RABGEF1: variants seen among roughly 807,000 people sequenced by gnomAD.
The protein encoded by RABGEF1 is rab5 GDP/GTP exchange factor.
RABGEF1 carries 26 observed loss-of-function variants against 57.3 expected under a neutral mutation model. That is an observed-to-expected ratio of 0.45 (90% confidence interval 0.33 to 0.63). The LOEUF is 0.63. Among genes scored for constraint, RABGEF1 ranks in the 20% least tolerant of loss-of-function variants. RABGEF1 has a pLI of 0.02. For synonymous variants in RABGEF1, 185 were observed against 210.7 expected, an observed-to-expected ratio of 0.88 and a Z score of 1.06; for missense variants, 464 against 607.6, an observed-to-expected ratio of 0.76 and a Z score of 2.48.
intron 1 of RABGEF1, among the ~76,000 whole-genome samples, chr7:66,711,457 T>G (rs1301346040): frequency 6.6e-6 from 1 of 152,150 alleles, no homozygotes; most frequent in East Asian, 1.9e-4. Flanking sequence ...GTTCACTTAT[T>G]TTTGCCAAAC....
At chr7:66,752,508 A>AT (rs35257679) in intron 1 of RABGEF1, among the ~76,000 whole-genome samples, 8 of 151,926 alleles carry the variant, frequency 5.3e-5, no homozygotes, top group African/African-American at 1.9e-4. Context: ...AAAAAAAAAA[A>AT]GTCTTGATTT....
intron 1 of RABGEF1, among the ~76,000 whole-genome samples, chr7:66,684,437 C>T (rs1426367545): frequency 6.6e-6 from 1 of 151,876 alleles, no homozygotes; most frequent in Non-Finnish European, 1.5e-5. Flanking sequence ...TGCAAGACTT[C>T]GTCTCAAACA....
intron 1 of RABGEF1, among the ~76,000 whole-genome samples, chr7:66,701,952 T>A (rs1327667444): frequency 6.6e-6 from 1 of 152,180 alleles, no homozygotes; most frequent in Non-Finnish European, 1.5e-5. Context: ...TTTTCAAATG[T>A]AAAATTCAGT....
chr7:66,745,735 C>T (rs973348934), intron 1 of RABGEF1, among the ~76,000 whole-genome samples: 3 of 150,216 alleles, frequency 2.0e-5, no homozygotes, highest in African/African-American at 4.9e-5. Flanking sequence ...TGCCACTGCA[C>T]TCCAGCTTGG....
At chr7:66,732,309 CTG>C (rs1052166070) in intron 2 of RABGEF1, among the ~76,000 whole-genome samples, 3 of 152,174 alleles carry the variant, frequency 2.0e-5, no homozygotes, top group South Asian at 4.1e-4. Flanking sequence ...TGCGAGGCCT[CTG>C]GGGCTGCCTC....
At chr7:66,680,224 G>C (rs1789600953), upstream of RABGEF1, among the ~76,000 whole-genome samples, 1 of 151,968 alleles carries the variant, frequency 6.6e-6, no homozygotes, top group African/African-American at 2.4e-5. Flanking sequence ...CACCTCCTCA[G>C]CACAGGTACT....
intron 1 of RABGEF1, among the ~76,000 whole-genome samples, chr7:66,767,178 T>A (rs1805963477): frequency 6.6e-6 from 1 of 151,942 alleles, no homozygotes; most frequent in African/African-American, 2.4e-5. Flanking sequence ...AATTTTTGTA[T>A]GTTTAATAGA....
chr7:66,675,447 C>A, the RABGEF1 span, among the ~76,000 whole-genome samples: 3 of 151,174 alleles, frequency 2.0e-5, no homozygotes, highest in African/African-American at 2.4e-5. Flanking sequence ...AAGAAACAAA[C>A]AAAAAAAACC....
intron 8 of RABGEF1, among the ~76,000 whole-genome samples, chr7:66,806,303 G>A (rs919828696): frequency 2.0e-5 from 3 of 152,116 alleles, no homozygotes; most frequent in Admixed American, 1.3e-4. Context: ...TTCTAAGTAT[G>A]TATTCACATT....
At chr7:66,670,433 ATTTTT>A in the RABGEF1 span, among the ~76,000 whole-genome samples, 17 of 116,066 alleles carry the variant, frequency 1.5e-4, no homozygotes, top group East Asian at 1.2e-3. Flanking sequence ...GAATGAGATG[ATTTTT>A]TTTTTTTTTT....
At chr7:66,724,738 GA>G (rs1446514134) in intron 2 of RABGEF1, among the ~76,000 whole-genome samples, 4 of 152,080 alleles carry the variant, frequency 2.6e-5, no homozygotes, top group African/African-American at 9.7e-5. Context: ...TTTATAGTTT[GA>G]AAAAAATTCA....
At chr7:66,786,140 A>G (rs1811133209) in intron 4 of RABGEF1, among the ~76,000 whole-genome samples, 1 of 152,024 alleles carries the variant, frequency 6.6e-6, no homozygotes, top group African/African-American at 2.4e-5. Flanking sequence ...TTCCCACATC[A>G]TTTCTGTTTT....
intron 4 of RABGEF1, among the ~76,000 whole-genome samples, chr7:66,794,315 CCTCTT>C (rs1298881145): frequency 1.5e-5 from 2 of 136,824 alleles, no homozygotes; most frequent in Non-Finnish European, 3.1e-5. Context: ...TTCTTTCTTT[CCTCTT>C]CTCTTTTCTT....
chr7:66,769,428 C>CA (rs1806535807), intron 1 of RABGEF1, among the ~76,000 whole-genome samples: 1 of 152,164 alleles, frequency 6.6e-6, no homozygotes, highest in African/African-American at 2.4e-5. Flanking sequence ...TTGTTTCAGA[C>CA]AAAGATTGAG....
At chr7:66,688,727 A>G (rs1791082145) in intron 1 of RABGEF1, among the ~76,000 whole-genome samples, 1 of 152,242 alleles carries the variant, frequency 6.6e-6, no homozygotes, top group African/African-American at 2.4e-5. Context: ...ATGAAAACAC[A>G]ACATACCAGA....
chr7:66,727,354 C>T (rs917476606), intron 2 of RABGEF1, among the ~76,000 whole-genome samples: 1 of 152,216 alleles, frequency 6.6e-6, no homozygotes, highest in Non-Finnish European at 1.5e-5. Flanking sequence ...GGGCCTAGGG[C>T]TTCCTCCAAT....
chr7:66,768,433 G>T (rs899056079), intron 1 of RABGEF1, among the ~76,000 whole-genome samples: 4 of 152,146 alleles, frequency 2.6e-5, no homozygotes, highest in African/African-American at 4.8e-5. Context: ...TACATTCTGG[G>T]TATGTAAGTT....
rs374084739 is a variant in RABGEF1, at chr7:66,742,983, G to A, written c.-18+2191G>A. Reference sequence around the variant, plus strand: ...TCCTCTGATGGTGACAGAACCAGGGGAAGTTTTTTAGCTGGGTCCTTGTGT... The same window carrying A: ...TCCTCTGATGGTGACAGAACCAGGGAAAGTTTTTTAGCTGGGTCCTTGTGT... On this transcript the variant is annotated intron_variant, in intron 1 of 8. Coordinates refer to ENST00000284957, the MANE Select transcript of RABGEF1 (RefSeq NM_014504.3). Among the ~76,000 whole-genome samples the A allele has an allele frequency of 2.9e-3, 448 of 152,224 alleles. 1 individual carries two copies. The highest frequency in any genetic ancestry group is 0.011 in the African/African-American group (438 of 41,540).
At chr7:66,729,105 C>T (rs1796992173) in intron 2 of RABGEF1, among the ~76,000 whole-genome samples, 1 of 151,984 alleles carries the variant, frequency 6.6e-6, no homozygotes, top group African/African-American at 2.4e-5. Flanking sequence ...TGCGTGCGAC[C>T]ATGCCTGGCT....
Sources: allele counts gnomAD v4.1 joint callset (sites outside exome capture counted in the v4.1 genomes callset), GRCh38; gene constraint gnomAD v4.1.1; transcripts MANE v1.5; gene names NCBI Gene and HGNC (gene_info 2026-07-23, HGNC 2026-07-21).